The following POLE2 variants were observed in gnomAD, a reference collection of about 807,000 sequenced individuals.
POLE2 encodes the protein DNA polymerase epsilon 2, accessory subunit.
Under a neutral mutation model 79.4 loss-of-function variants are expected in POLE2, and 56 were observed. The ratio of observed to expected loss-of-function variants is 0.71; its 90% confidence interval spans 0.57 to 0.88. The LOEUF (loss-of-function observed/expected upper bound fraction) is 0.88. POLE2 is among the 40% of genes least tolerant of loss of function. POLE2 has a pLI of 0.00. For missense variants in POLE2, 598 were observed against 638.9 expected, an observed-to-expected ratio of 0.94 and a Z score of 0.69; for synonymous variants, 212 against 214.0, an observed-to-expected ratio of 0.99 and a Z score of 0.08.
intron 3 of POLE2, among the ~76,000 whole-genome samples, chr14:49,678,597 GTA>G (rs1886476934): frequency 6.6e-6 from 1 of 152,052 alleles, no homozygotes; most frequent in African/African-American, 2.4e-5. Flanking sequence ...TCAAACTTCA[GTA>G]CAATCATTTT....
At chr14:49,658,323 G>A (rs1235945101) in intron 10 of POLE2, among the ~76,000 whole-genome samples, 5 of 151,980 alleles carry the variant, frequency 3.3e-5, no homozygotes, top group East Asian at 3.9e-4. Flanking sequence ...TGATCCGCCC[G>A]CCTAGGCTTC....
intron 13 of POLE2, 55 bp from the exon 14 acceptor site, chr14:49,654,269 T>G: frequency 8.5e-7 from 1 of 1,182,060 alleles, no homozygotes; most frequent in Non-Finnish European, 1.2e-6. Flanking sequence ...CACTATCCAA[T>G]AGCTTAAAAG....
Position 49,670,317 on chromosome 14 carries a change from CAAAAAAAAA to C in POLE2, c.418-728_418-720del, listed in dbSNP as rs61383006. ...GGCAACAAGAGCGAAACTGTGTCTC[CAAAAAAAAA>C]AAAAAAAAAAAAAAAAAAGACATTT... On this transcript the variant is annotated intron_variant, in intron 5 of 18. Coordinates refer to ENST00000216367, the MANE Select transcript of POLE2 (RefSeq NM_002692.4). Among the ~76,000 whole-genome samples the C allele has an allele frequency of 4.4e-3, 261 of 59,104 alleles. 1 individual carries two copies. Among genetic ancestry groups the C allele is most frequent in the Non-Finnish European group, 6.8e-3 (195 of 28,884 alleles). 38.8% of individuals were successfully genotyped at this position (59,104 alleles called of 152,430 possible).
chr14:49,665,984 G>A (rs1466856183), intron 7 of POLE2, among the ~76,000 whole-genome samples: 1 of 151,976 alleles, frequency 6.6e-6, no homozygotes, highest in Non-Finnish European at 1.5e-5. Flanking sequence ...GTGCCACCAC[G>A]CCTGGCTAAT....
rs1033508960 is a variant in POLE2, at chr14:49,669,692, C to T, written c.418-94G>A. The T allele has an allele frequency of 2.4e-5, 16 of 671,002 alleles. No individual in the cohort carries two copies. In the African/African-American group the frequency reaches 2.9e-4, roughly 12 times the overall value. The allele number at this position is 671,002 out of a possible 1,614,324, so 41.6% of individuals were successfully genotyped here. A position where few individuals can be genotyped will look rare whatever the true frequency, so the allele number is the denominator to read the frequency against. On this transcript the variant is annotated intron_variant, in intron 5 of 18. Transcript: ENST00000216367. ...GCCCTGATGAAACACTGTCCTTAAA[C>T]TAATGTCACTATTACTTATTCTCCA...
intron 2 of POLE2, chr14:49,681,326 G>T: frequency 4.6e-6 from 1 of 216,010 alleles, no homozygotes; most frequent in Non-Finnish European, 9.9e-6. Flanking sequence ...GTTGAATAGA[G>T]AGGTGTCTCA....
rs1473511816 is a variant in POLE2 at position 49,647,369 on chromosome 14, G to A, written c.1498-9C>T. On this transcript the variant is annotated splice_polypyrimidine_tract_variant and intron_variant, in intron 17 of 18. Transcript: ENST00000216367. ...CTTCTTGGAAAAGAGCCCTTTGGGG[G>A]AGAAAAATGCCTGTAAGTGAATGCT... 1.1e-5 allele frequency: 17 copies of A among 1,493,880 alleles called. No homozygotes were observed. The highest frequency in any genetic ancestry group is 1.5e-5 in the Non-Finnish European group (17 of 1,101,834). The allele number at this position is 1,493,880 out of a possible 1,614,324, so 92.5% of individuals were successfully genotyped here.
intron 1 of POLE2, among the ~76,000 whole-genome samples, chr14:49,685,304 T>C (rs1427888249): frequency 6.6e-6 from 1 of 152,214 alleles, no homozygotes; most frequent in Non-Finnish European, 1.5e-5. Flanking sequence ...AACTGAGAAC[T>C]GAATTATAGA....
intron 17 of POLE2, among the ~76,000 whole-genome samples, chr14:49,649,398 G>A (rs913321875): frequency 2.7e-5 from 4 of 150,642 alleles, no homozygotes; most frequent in African/African-American, 4.9e-5. Context: ...TGCCCGCCTT[G>A]GCCTCCCAAA....
rs1020500703 is a variant in POLE2 at position 49,677,462 on chromosome 14, C to T, written c.245+2263G>A. On this transcript the variant is annotated intron_variant, in intron 3 of 18. Coordinates refer to ENST00000216367, the MANE Select transcript of POLE2 (RefSeq NM_002692.4). ...TATCTTGCTTGGAGACGAGGGGCAG[C>T]CAGTTTTAATACACTTGGATGCCAT... 6.4e-6 allele frequency: 3 copies of T among 469,632 alleles called. No individual in the cohort carries two copies. In the Admixed American group the frequency reaches 1.0e-4, roughly 16 times the overall value. 29.1% of individuals were successfully genotyped at this position (469,632 alleles called of 1,614,324 possible).
intron 8 of POLE2, 52 bp downstream of exon 8, chr14:49,665,055 T>C: frequency 1.2e-6 from 1 of 825,132 alleles, no homozygotes; most frequent in Non-Finnish European, 2.1e-6. Context: ...ATAATCAATT[T>C]CCCCAATTCA....
At chr14:49,654,121 T>A in intron 14 of POLE2, 34 bp downstream of exon 14, 1 of 1,596,906 alleles carries the variant, frequency 6.3e-7, no homozygotes, top group Non-Finnish European at 8.6e-7. Flanking sequence ...TACAAAATTT[T>A]CTACACTGTT....
intron 3 of POLE2, chr14:49,677,643 G>A (rs1314086146): frequency 2.9e-6 from 2 of 692,846 alleles, no homozygotes; most frequent in South Asian, 2.0e-5. Flanking sequence ...TCCCTGGGCT[G>A]TGTGATATAT....
intron 10 of POLE2, among the ~76,000 whole-genome samples, chr14:49,662,321 C>T (rs1379284624): frequency 1.3e-5 from 2 of 152,208 alleles, no homozygotes; most frequent in East Asian, 1.9e-4. Context: ...GTTGTTGAGA[C>T]GGAGTCTCGC....
chr14:49,666,175 A>G (rs1885476835), intron 7 of POLE2, among the ~76,000 whole-genome samples, 155 bp downstream of exon 7: 1 of 152,046 alleles, frequency 6.6e-6, no homozygotes, highest in South Asian at 2.1e-4. Context: ...TGATGATACT[A>G]TTTCCTCGTA....
rs757166489 is a variant in POLE2 at position 49,655,017 on chromosome 14, G to T, written c.1006C>A (p.Gln336Lys). ...AGATCGTTAATACCTTTCAAAGCTT[G>T]AACTTGATTTTTTCCATATGGTGCA... ...SSAPYGKNQV[Q>K]ALKDSLKTLA... The change falls in exon 12 of 19, where the codon CAA (glutamine) becomes AAA (lysine). Residue 336 changes from glutamine (Q) to lysine (K), a missense_variant. Coordinates refer to ENST00000216367, the MANE Select transcript of POLE2 (RefSeq NM_002692.4). 5 of 1,569,686 alleles carry T rather than the reference G, an allele frequency of 3.2e-6. No individual in the cohort carries two copies. The African/African-American group carries it at 4.1e-5, about 13-fold the overall frequency.
chr14:49,672,627 G>A (rs540936830), intron 5 of POLE2, among the ~76,000 whole-genome samples: 2 of 151,784 alleles, frequency 1.3e-5, no homozygotes, highest in African/African-American at 4.8e-5. Context: ...AGCCTCCCAA[G>A]TAGCTGGGAT....
chr14:49,685,270 G>C, intron 1 of POLE2, among the ~76,000 whole-genome samples: 1 of 152,140 alleles, frequency 6.6e-6, no homozygotes. Context: ...TGTAGGTGTT[G>C]CATCTCTCAA....
chr14:49,669,738 A>AT (rs2139660719), intron 5 of POLE2, 140 bp from the exon 6 acceptor site: 1 of 594,488 alleles, frequency 1.7e-6, no homozygotes, highest in Admixed American at 3.1e-5. Flanking sequence ...AACCCACATA[A>AT]TTTAACATAC....
Sources: allele counts gnomAD v4.1 joint callset (sites outside exome capture counted in the v4.1 genomes callset), GRCh38; gene constraint gnomAD v4.1.1; transcripts MANE v1.5; gene names NCBI Gene and HGNC (gene_info 2026-07-23, HGNC 2026-07-21).